SOBP: variants seen among roughly 807,000 people sequenced by gnomAD.
The protein encoded by SOBP is sine oculis binding protein homolog.
Under a neutral mutation model 53.6 loss-of-function variants are expected in SOBP, and 4 were observed. The observed-to-expected ratio is 0.07, with a 90% CI of 0.04 to 0.17. The LOEUF (loss-of-function observed/expected upper bound fraction) is 0.17, where lower values mean the gene tolerates loss of function less well. Ranked by LOEUF, SOBP falls within the 10% of genes least tolerant of loss-of-function variation. The pLI is 1.00. For missense variants in SOBP, 1,088 were observed against 1,204.7 expected, an observed-to-expected ratio of 0.90 and a Z score of 1.43; for synonymous variants, 584 against 522.6, an observed-to-expected ratio of 1.12 and a Z score of -1.60.
intron 4 of SOBP, among the ~76,000 whole-genome samples, chr6:107,536,926 A>G (rs1784015735): frequency 6.6e-6 from 1 of 152,232 alleles, no homozygotes; most frequent in South Asian, 2.1e-4. Flanking sequence ...AGCGGGTAAG[A>G]AAAATACTTA....
intron 4 of SOBP, among the ~76,000 whole-genome samples, chr6:107,559,843 C>G (rs1271565567): frequency 6.6e-6 from 1 of 152,204 alleles, no homozygotes; most frequent in East Asian, 1.9e-4. Flanking sequence ...CAAACATAGA[C>G]TCTTATAATC....
chr6:107,502,952 G>C (rs926154973), intron 1 of SOBP, among the ~76,000 whole-genome samples: 1 of 151,798 alleles, frequency 6.6e-6, no homozygotes, highest in African/African-American at 2.4e-5. Context: ...GTAGACAAGG[G>C]GTTTCACCAT....
intron 4 of SOBP, among the ~76,000 whole-genome samples, chr6:107,546,416 G>A (rs1784302071): frequency 6.6e-6 from 1 of 152,208 alleles, no homozygotes; most frequent in Non-Finnish European, 1.5e-5. Flanking sequence ...AGGAAATAAA[G>A]TATGATGTTG....
At chr6:107,523,534 G>A (rs1783574361) in intron 3 of SOBP, among the ~76,000 whole-genome samples, 1 of 152,218 alleles carries the variant, frequency 6.6e-6, no homozygotes, top group Non-Finnish European at 1.5e-5. Flanking sequence ...CTGAGGAGGA[G>A]AACAAGCAGT....
intron 4 of SOBP, among the ~76,000 whole-genome samples, chr6:107,537,819 CAAAAAAAAA>C (rs527261424): frequency 2.1e-5 from 2 of 94,676 alleles, no homozygotes; most frequent in East Asian, 6.6e-4. Context: ...GACCCTATCT[CAAAAAAAAA>C]AAAAAAAAAG....
Position 107,543,972 on chromosome 6 carries a change from C to T in SOBP, c.573+10362C>T, listed in dbSNP as rs558818981. Among the ~76,000 whole-genome samples, 8 of 152,262 alleles carry T rather than the reference C, an allele frequency of 5.3e-5. No individual in the cohort carries two copies. The South Asian group carries it at 1.7e-3, about 32-fold the overall frequency. On this transcript the variant is annotated intron_variant, in intron 4 of 6. Transcript: ENST00000317357. ...AAAGGGATTGTGGTTAGCTGTTATT[C>T]CCATTTATAAATAGGAACAGTGGTG...
chr6:107,555,354 C>T (rs1157447574), intron 4 of SOBP, among the ~76,000 whole-genome samples: 1 of 152,198 alleles, frequency 6.6e-6, no homozygotes, highest in Admixed American at 6.5e-5. Flanking sequence ...TCCCATTCCA[C>T]TGTCCCTTTA....
chr6:107,595,108 G>T (rs1785897361), intron 5 of SOBP, among the ~76,000 whole-genome samples: 1 of 152,166 alleles, frequency 6.6e-6, no homozygotes, highest in African/African-American at 2.4e-5. Context: ...GTAGAATTCT[G>T]AAGCCAGAAA....
intron 5 of SOBP, among the ~76,000 whole-genome samples, chr6:107,599,483 A>G (rs1294869914): frequency 6.6e-6 from 1 of 152,156 alleles, no homozygotes; most frequent in East Asian, 1.9e-4. Context: ...AGGACTCTAG[A>G]CAGAAAACTG....
intron 5 of SOBP, among the ~76,000 whole-genome samples, chr6:107,618,526 A>G (rs1215459806): frequency 2.0e-5 from 3 of 152,238 alleles, no homozygotes; most frequent in Admixed American, 1.3e-4. Flanking sequence ...ACCCTCATCC[A>G]TAGACCAATG....
At chr6:107,617,370 G>C (rs146273568) in intron 5 of SOBP, among the ~76,000 whole-genome samples, 2 of 152,152 alleles carry the variant, frequency 1.3e-5, no homozygotes, top group Non-Finnish European at 2.9e-5. Flanking sequence ...GAATGTGTGA[G>C]TGTGCTGAAA....
In SOBP at chr6:107,635,020, G is replaced by A. The variant is rs1168665698; in HGVS notation, c.2176G>A (p.Gly726Ser). The stretch of plus-strand genomic sequence containing the variant: ...CGCGGCCTGCAACGTCATCGTGAAC[G>A]GCACGCGCGGCGCCGCCGCCGAGGG... ...AAAACNVIVN[G>S]TRGAAAEGAK... is the part of the protein sequence containing the mutation. The change falls in exon 6 of 7, where the codon GGC (glycine) becomes AGC (serine). Residue 726 changes from glycine to serine, a missense_variant. By Grantham distance (56) the Gly-to-Ser change is moderately conservative. Coordinates refer to ENST00000317357, the MANE Select transcript of SOBP (RefSeq NM_018013.4). The surrounding 1 kb of genome is among the most constrained non-coding windows in gnomAD (Gnocchi z 4.5). 2.3e-5 allele frequency: 28 copies of A among 1,209,720 alleles called. No individual in the cohort carries two copies. Among genetic ancestry groups the A allele is most frequent in the Admixed American group, 4.6e-5 (1 of 21,660 alleles). 74.9% of individuals were successfully genotyped at this position (1,209,720 alleles called of 1,614,324 possible).
intron 6 of SOBP, among the ~76,000 whole-genome samples, chr6:107,636,529 C>T (rs1226974380): frequency 6.6e-6 from 1 of 152,228 alleles, no homozygotes; most frequent in Non-Finnish European, 1.5e-5. Context: ...CAACTCAGGC[C>T]TGTTGGACAC....
intron 4 of SOBP, among the ~76,000 whole-genome samples, chr6:107,550,676 C>G (rs530795729): frequency 6.6e-6 from 1 of 152,106 alleles, no homozygotes; most frequent in Non-Finnish European, 1.5e-5. Flanking sequence ...TGAGCACATG[C>G]TAATTTAGAG....
intron 4 of SOBP, among the ~76,000 whole-genome samples, chr6:107,578,012 T>G (rs1394492863): frequency 6.7e-6 from 1 of 149,966 alleles, no homozygotes; most frequent in Admixed American, 6.7e-5. Flanking sequence ...AGGCGAAGCT[T>G]GCAGTGAGCC....
At chr6:107,598,697 C>G (rs914299101) in intron 5 of SOBP, among the ~76,000 whole-genome samples, 1 of 152,106 alleles carries the variant, frequency 6.6e-6, no homozygotes, top group African/African-American at 2.4e-5. Context: ...AGGGAGACTT[C>G]TAGAAGGCGG....
chr6:107,594,197 T>A (rs1341375905), intron 5 of SOBP, among the ~76,000 whole-genome samples: 1 of 152,156 alleles, frequency 6.6e-6, no homozygotes, highest in Non-Finnish European at 1.5e-5. Flanking sequence ...AGGACAATAG[T>A]AGCTATTGGG....
intron 4 of SOBP, among the ~76,000 whole-genome samples, chr6:107,536,492 T>C (rs1422943077): frequency 5.3e-5 from 8 of 152,104 alleles, no homozygotes; most frequent in African/African-American, 1.7e-4. Flanking sequence ...CCACTGAAAA[T>C]GGGCTCTTGA....
intron 6 of SOBP, among the ~76,000 whole-genome samples, chr6:107,650,326 G>A (rs968454510): frequency 2.0e-5 from 3 of 152,158 alleles, no homozygotes; most frequent in Admixed American, 6.5e-5. Context: ...CTATAGACTC[G>A]AAAGGAGAAG....
Sources: allele counts gnomAD v4.1 joint callset (sites outside exome capture counted in the v4.1 genomes callset), GRCh38; gene constraint gnomAD v4.1.1; non-coding constraint Gnocchi (gnomAD v3.1); transcripts MANE v1.5; gene names NCBI Gene and HGNC (gene_info 2026-07-23, HGNC 2026-07-21).